Variants in NPLOC4 observed in about 807,000 individuals in gnomAD.
The protein encoded by NPLOC4 is NPL4 homolog, ubiquitin recognition factor, also known as nuclear protein localization protein 4 homolog.
A neutral mutation model predicts 80.6 loss-of-function variants in NPLOC4; 18 were observed. The ratio of observed to expected loss-of-function variants is 0.22; its 90% CI spans 0.15 to 0.33. The LOEUF (loss-of-function observed/expected upper bound fraction) is 0.33. NPLOC4 is among the 10% of genes least tolerant of loss of function. NPLOC4 has a pLI of 1.00. For missense variants in NPLOC4, 540 were observed against 786.1 expected, an observed-to-expected ratio of 0.69 and a Z score of 3.74; for synonymous variants, 313 against 301.5, an observed-to-expected ratio of 1.04 and a Z score of -0.39.
chr17:81,578,974 G>A (rs534500240), intron 12 of NPLOC4, among the ~76,000 whole-genome samples: 1 of 152,340 alleles, frequency 6.6e-6, no homozygotes, highest in East Asian at 1.9e-4. Context: ...AGGCAGGAGT[G>A]TAGTGGTGCA....
chr17:81,559,518 C>T, intron 16 of NPLOC4, 102 bp from the exon 17 acceptor site: 1 of 1,295,414 alleles, frequency 7.7e-7, no homozygotes, highest in Non-Finnish European at 1.1e-6. Context: ...AGCTCCCCGC[C>T]CCCAACATCC....
At chr17:81,562,625 T>A (rs1409442736) in intron 16 of NPLOC4, 2 of 152,052 alleles carry the variant, frequency 1.3e-5, no homozygotes. Context: ...GAGATACCAG[T>A]CAGAACTTAC....
rs34746217 is a variant in NPLOC4 at position 81,585,661 on chromosome 17, T to TGG, written c.1281+3281_1281+3282dup. 3.6e-3 allele frequency among the ~76,000 whole-genome samples: 384 copies of TGG among 105,468 alleles called. 4 individuals carry two copies. The highest frequency in any genetic ancestry group is 0.017 in the African/African-American group (352 of 20,696). 69.2% of individuals were successfully genotyped at this position (105,468 alleles called of 152,430 possible). A position where few individuals can be genotyped will look rare whatever the true frequency, so the allele number is the denominator to read the frequency against. On this transcript the variant is annotated intron_variant, in intron 12 of 16. Coordinates refer to ENST00000331134, the MANE Select transcript of NPLOC4 (RefSeq NM_017921.4). ...GGGAGACAGAGGAAGACTCCATTTC[T>TGG]GGGGGGGGGGGGAAAGAAAGAAATC... is the stretch of plus-strand genomic sequence containing the variant.
intron 2 of NPLOC4, among the ~76,000 whole-genome samples, chr17:81,626,968 T>C (rs533322552): frequency 7.2e-4 from 110 of 151,902 alleles, no homozygotes; most frequent in African/African-American, 2.5e-3. Flanking sequence ...TGCGAGCCTG[T>C]AGTCCCAGCT....
At chr17:81,563,952 A>G in intron 16 of NPLOC4, 1 of 454,646 alleles carries the variant, frequency 2.2e-6, no homozygotes, top group Non-Finnish European at 4.4e-6. Context: ...GTGGTGGTAC[A>G]CATCTGTAAT....
intron 12 of NPLOC4, among the ~76,000 whole-genome samples, chr17:81,582,341 A>G (rs1598632659): frequency 6.6e-6 from 1 of 152,206 alleles, no homozygotes; most frequent in East Asian, 1.9e-4. Flanking sequence ...CATGGACCCG[A>G]GTTTCACCTT....
intron 1 of NPLOC4, 126 bp downstream of exon 1, chr17:81,636,790 C>A: frequency 9.5e-7 from 1 of 1,055,234 alleles, no homozygotes; most frequent in Non-Finnish European, 1.2e-6. Flanking sequence ...ACAGAGAAAG[C>A]CCTGGCGAGA....
In NPLOC4 at chr17:81,613,347, C is replaced by T; in HGVS notation, c.357G>A (p.Gly119=). ...EIDQYLSKQD[G]KIYRSRDPQL... Reference sequence around the variant, plus strand: ...GTGGGTCTCGGCTTCTGTAAATCTTCCCGTCCTGTTTGCTGAGGTACTGAT... The same window carrying T: ...GTGGGTCTCGGCTTCTGTAAATCTTTCCGTCCTGTTTGCTGAGGTACTGAT... Residue 119 remains glycine, a synonymous_variant, in exon 4 of 17, where the codon GGG becomes GGA. Coordinates refer to ENST00000331134, the MANE Select transcript of NPLOC4 (RefSeq NM_017921.4). 2 of 1,613,892 alleles carry T rather than the reference C, an allele frequency of 1.2e-6. No individual in the cohort carries two copies. Among genetic ancestry groups the T allele is most frequent in the Non-Finnish European group, 8.5e-7 (1 of 1,179,858 alleles).
chr17:81,611,476 A>G (rs1321228265), intron 4 of NPLOC4, among the ~76,000 whole-genome samples: 4 of 151,526 alleles, frequency 2.6e-5, no homozygotes, highest in Admixed American at 2.0e-4. Context: ...CAGCCTCCCA[A>G]GTAGCTGGGA....
At position 81,567,022 on chromosome 17, in the gene NPLOC4, G is replaced by A. The variant is rs978817680; in HGVS notation, c.1566+395C>T. On this transcript the variant is annotated intron_variant, in intron 15 of 16. Coordinates refer to ENST00000331134, the MANE Select transcript of NPLOC4 (RefSeq NM_017921.4). The surrounding 1 kb of genome is among the most constrained non-coding windows in gnomAD (Gnocchi z 4.5). ...AATAAAACCAGAGTTGATTTAGGAG[G>A]AGGGGAGATATGAGTAAAAAGCAGA... 4.8e-5 allele frequency: 9 copies of A among 187,636 alleles called. No homozygotes were observed. Among genetic ancestry groups the A allele is most frequent in the Non-Finnish European group, 1.0e-4 (9 of 88,876 alleles). 11.6% of individuals were successfully genotyped at this position (187,636 alleles called of 1,614,324 possible). A position where few individuals can be genotyped will look rare whatever the true frequency, so the allele number is the denominator to read the frequency against.
At chr17:81,616,496 C>T (rs1023017623) in intron 3 of NPLOC4, among the ~76,000 whole-genome samples, 11 of 151,134 alleles carry the variant, frequency 7.3e-5, no homozygotes, top group African/African-American at 1.9e-4. Flanking sequence ...GTTGGGAGGC[C>T]GAGGCAGGAG....
chr17:81,603,915 T>G (rs2035132131), intron 8 of NPLOC4, among the ~76,000 whole-genome samples: 1 of 152,180 alleles, frequency 6.6e-6, no homozygotes, highest in African/African-American at 2.4e-5. Context: ...AAATTGAAAT[T>G]TATATAAATA....
chr17:81,628,104 G>A (rs558925860), intron 2 of NPLOC4, among the ~76,000 whole-genome samples: 16 of 151,798 alleles, frequency 1.1e-4, no homozygotes, highest in African/African-American at 3.9e-4. Context: ...CCAGCTACTC[G>A]GGAGGCTGAG....
At chr17:81,606,305 G>A (rs1338740307) in intron 7 of NPLOC4, among the ~76,000 whole-genome samples, 1 of 152,056 alleles carries the variant, frequency 6.6e-6, no homozygotes, top group African/African-American at 2.4e-5. Context: ...AGGCCGGAAC[G>A]CTCCCTCCTT....
intron 12 of NPLOC4, among the ~76,000 whole-genome samples, chr17:81,582,996 A>T (rs528821567): frequency 6.6e-6 from 1 of 152,240 alleles, no homozygotes; most frequent in Admixed American, 6.5e-5. Context: ...GCCCCTGCGC[A>T]CTCACAACTG....
At chr17:81,578,306 C>T (rs780127963) in intron 12 of NPLOC4, among the ~76,000 whole-genome samples, 2 of 152,140 alleles carry the variant, frequency 1.3e-5, no homozygotes, top group African/African-American at 4.8e-5. Flanking sequence ...CTCTCACACA[C>T]TCTAGTCTCA....
At chr17:81,582,293 G>A (rs139985147) in intron 12 of NPLOC4, among the ~76,000 whole-genome samples, 7 of 152,326 alleles carry the variant, frequency 4.6e-5, no homozygotes, top group Middle Eastern at 3.4e-3. Context: ...CGTCACATCC[G>A]TACCAGGAGG....
intron 4 of NPLOC4, among the ~76,000 whole-genome samples, chr17:81,611,120 G>A (rs1458002519): frequency 6.6e-6 from 1 of 151,924 alleles, no homozygotes; most frequent in Non-Finnish European, 1.5e-5. Context: ...AGGAGTTAAA[G>A]ACAAGCCTGG....
chr17:81,559,273 G>GGCT lies in NPLOC4; in HGVS notation c.1810_1812dup (p.Ser604dup). 1 of 1,603,718 alleles carries GGCT rather than the reference G, an allele frequency of 6.2e-7. No individual in the cohort carries two copies. The highest frequency in any genetic ancestry group is 8.5e-7 in the Non-Finnish European group (1 of 1,175,808). ...GGGCAGGCGCCCTAGGTCCTGGGGAGGCTGCACATCTCGCAGTGGCCTGTG... is the reference window on the plus strand; with the variant it reads ...GGGCAGGCGCCCTAGGTCCTGGGGAGGCTGCTGCACATCTCGCAGTGGCCTGTG... On this transcript the variant is annotated inframe_insertion, in exon 17 of 17. Transcript: ENST00000331134.
Sources: gnomAD v4.1 joint callset for allele counts (sites outside exome capture counted in the v4.1 genomes callset) on GRCh38, gnomAD v4.1.1 for gene constraint, Gnocchi (gnomAD v3.1) non-coding constraint, MANE v1.5 for transcripts, NCBI Gene and HGNC (gene_info 2026-07-23, HGNC 2026-07-21) for gene names.